Variants in KARS1 observed in about 807,000 individuals in gnomAD.
The protein encoded by KARS1 is lysyl-tRNA synthetase 1.
In KARS1, 50 loss-of-function variants were observed where a neutral mutation model predicts 63.9. That is an observed-to-expected ratio of 0.78 (90% CI 0.62 to 0.99). KARS1 has a LOEUF of 0.99. Ranked by LOEUF, KARS1 falls within the 50% of genes least tolerant of loss-of-function variation. KARS1 has a pLI of 0.00. For missense variants in KARS1, 816 were observed against 754.5 expected (o/e 1.08, Z -0.95); for synonymous variants, 320 against 264.6 (o/e 1.21, Z -2.03).
intron 1 of KARS1, among the ~76,000 whole-genome samples, chr16:75,644,074 T>A (rs868742377): frequency 2.6e-5 from 4 of 152,238 alleles, no homozygotes; most frequent in Admixed American, 2.6e-4. Context: ...TCTTCTAGAA[T>A]AAGATCCACA....
rs749546625 is a variant in KARS1 at position 75,634,158 on chromosome 16, ACT to A, written c.915+13_915+14del. On this transcript the variant is annotated intron_variant, in intron 7 of 13. Coordinates refer to ENST00000302445, the MANE Select transcript of KARS1 (RefSeq NM_005548.3). Reference sequence around the variant, plus strand: ...CTGCTTCTTTAAGGGAAAAGGGTGTACTATTACTGACTACCTTATGATAGAGT... The same window carrying A: ...CTGCTTCTTTAAGGGAAAAGGGTGTAATTACTGACTACCTTATGATAGAGT... 1.2e-6 allele frequency: 2 copies of A among 1,613,106 alleles called. No individual in the cohort carries two copies. The highest frequency in any genetic ancestry group is 3.3e-5 in the Admixed American group (2 of 60,010).
rs1026064778 is a variant in KARS1, at chr16:75,635,535, C to A, written c.795+145G>T. The A allele has an allele frequency of 7.4e-6, 7 of 941,888 alleles. No individual in the cohort carries two copies. The Admixed American group carries it at 7.9e-5, about 11-fold the overall frequency. The allele number at this position is 941,888 out of a possible 1,614,324, so 58.3% of individuals were successfully genotyped here. A position where few individuals can be genotyped will look rare whatever the true frequency, so the allele number is the denominator to read the frequency against. On this transcript the variant is annotated intron_variant, in intron 6 of 13. Transcript: ENST00000302445. ...CCTTCCTAATCAGGACAAGGTAGAA[C>A]AGAGACGATGGCAAGAAAAGGGGAC...
chr16:75,644,795 T>G (rs745975957), intron 1 of KARS1, among the ~76,000 whole-genome samples: 1 of 152,186 alleles, frequency 6.6e-6, no homozygotes, highest in Non-Finnish European at 1.5e-5. Context: ...AAGTGTGGTT[T>G]CTCACCTGGA....
chr16:75,637,951 A>G (rs1053213228), intron 3 of KARS1, among the ~76,000 whole-genome samples: 4 of 151,656 alleles, frequency 2.6e-5, no homozygotes, highest in Non-Finnish European at 5.9e-5. Flanking sequence ...GAAGAAGAGA[A>G]CCAGGAAATC....
At chr16:75,637,129 G>C (rs2082170972) in intron 3 of KARS1, among the ~76,000 whole-genome samples, 1 of 152,110 alleles carries the variant, frequency 6.6e-6, no homozygotes, top group South Asian at 2.1e-4. Flanking sequence ...GCTGGTAGCA[G>C]CATAGTTTTT....
chr16:75,637,072 G>C (rs749237850), intron 3 of KARS1, among the ~76,000 whole-genome samples: 1 of 152,070 alleles, frequency 6.6e-6, no homozygotes, highest in Non-Finnish European at 1.5e-5. Flanking sequence ...ATGCTTTCAG[G>C]ATCTAGCTTT....
intron 1 of KARS1, among the ~76,000 whole-genome samples, chr16:75,643,552 G>C (rs1359144256): frequency 3.3e-5 from 5 of 151,768 alleles, no homozygotes; most frequent in East Asian, 1.9e-4. Context: ...TAATTTTTTT[G>C]GTATTTTTAG....
At chr16:75,630,855 G>C (rs1048536042) in intron 10 of KARS1, among the ~76,000 whole-genome samples, 1 of 151,870 alleles carries the variant, frequency 6.6e-6, no homozygotes, top group African/African-American at 2.4e-5. Context: ...GGCTGGTTTC[G>C]AACTCCTGAC....
At chr16:75,636,904 T>C (rs921794724) in intron 3 of KARS1, among the ~76,000 whole-genome samples, 1 of 151,340 alleles carries the variant, frequency 6.6e-6, no homozygotes, top group African/African-American at 2.4e-5. Context: ...CCTCCCAAAG[T>C]GCTGGGATTA....
chr16:75,631,869 A>G lies in KARS1; in HGVS notation c.916-14T>C, dbSNP rs1282398882. The G allele has an allele frequency of 6.2e-6, 10 of 1,612,808 alleles. No homozygotes were observed. Among genetic ancestry groups the G allele is most frequent in the Non-Finnish European group, 8.5e-6 (10 of 1,179,612 alleles). On this transcript the variant is annotated splice_polypyrimidine_tract_variant and intron_variant, in intron 7 of 13. Coordinates refer to ENST00000302445, the MANE Select transcript of KARS1 (RefSeq NM_005548.3). ...AACCACAAGCATCTAACAACAACAC[A>G]TGGCCACGGTCATGACAGCTAATCT...
intron 12 of KARS1, chr16:75,629,080 G>T (rs1201522259): frequency 1.3e-5 from 6 of 464,112 alleles, no homozygotes; most frequent in African/African-American, 4.0e-5. Flanking sequence ...GCCTGTGGGG[G>T]TTCTGTCTTC....
In KARS1 at chr16:75,629,512, C is replaced by T; in HGVS notation, c.1454G>A (p.Arg485His). Residue 485 changes from arginine to histidine, a missense_variant, in exon 12 of 14, where the codon CGC becomes CAC. Coordinates refer to ENST00000302445, the MANE Select transcript of KARS1 (RefSeq NM_005548.3). The stretch of plus-strand genomic sequence containing the variant: ...TTTCTTCATGACAAACAGCTCAAAG[C>T]GCTCAGTCAGACCCTCTTTAGAGCG... ...WHRSKEGLTE[R>H]FELFVMKKEI... The T allele has an allele frequency of 5.0e-6, 8 of 1,614,144 alleles. No individual in the cohort carries two copies. The highest frequency in any genetic ancestry group is 6.8e-6 in the Non-Finnish European group (8 of 1,179,978).
intron 1 of KARS1, among the ~76,000 whole-genome samples, chr16:75,647,130 G>A (rs1201044018): frequency 6.6e-6 from 1 of 152,152 alleles, no homozygotes; most frequent in Non-Finnish European, 1.5e-5. Context: ...AATACATAAC[G>A]TTCAGAATGA....
rs117561624 is a variant in KARS1 at position 75,627,947 on chromosome 16, T to G, written c.1742A>C (p.Asn581Thr). 52 of 1,612,222 alleles carry G rather than the reference T, an allele frequency of 3.2e-5. No individual in the cohort carries two copies. The highest frequency in any genetic ancestry group is 4.2e-5 in the Non-Finnish European group (50 of 1,178,232). ...TTCCAGTGTATCAGTGGTTGCTACA[T>G]TCTCCTTCTTGTCTTCGGGTTTCAT... ...PAMKPEDKKE[N>T]VATTDTLEST... Residue 581 changes from asparagine to threonine, a missense_variant, in exon 14 of 14, where the codon AAT (asparagine) becomes ACT (threonine). Asn to Thr is a moderately conservative substitution (Grantham distance 65). Transcript: ENST00000302445.
Position 75,631,595 on chromosome 16 carries a change from A to G in KARS1, c.1079-6T>C. On this transcript the variant is annotated splice_region_variant and splice_polypyrimidine_tract_variant and intron_variant, in intron 8 of 13. Coordinates refer to ENST00000302445, the MANE Select transcript of KARS1 (RefSeq NM_005548.3). ...TGTAATATGCTTCACCATCCCTGGG[A>G]GAGAAACCTGTTATTTAGCGGGAAT... The G allele has an allele frequency of 1.9e-6, 3 of 1,614,082 alleles. No individual in the cohort carries two copies. Among genetic ancestry groups the G allele is most frequent in the South Asian group, 2.2e-5 (2 of 91,086 alleles).
chr16:75,634,899 T>G (rs1322180310), intron 6 of KARS1, among the ~76,000 whole-genome samples: 2 of 152,186 alleles, frequency 1.3e-5, no homozygotes, highest in Non-Finnish European at 2.9e-5. Flanking sequence ...TATTAAAAAT[T>G]TAGGCTGGTC....
Position 75,631,410 on chromosome 16 carries a change from C to T in KARS1, c.1252+6G>A, listed in dbSNP as rs1248459295. The T allele has an allele frequency of 9.3e-6, 15 of 1,614,062 alleles. No individual in the cohort carries two copies. Among genetic ancestry groups the T allele is most frequent in the African/African-American group, 2.7e-5 (2 of 75,052 alleles). On this transcript the variant is annotated splice_donor_region_variant and intron_variant, in intron 9 of 13. Coordinates refer to ENST00000302445, the MANE Select transcript of KARS1 (RefSeq NM_005548.3). ...TACAACGGAGGAGTGAGTGTTGTCA[C>T]TTTACCTTCAGTTTCAAAGAGGTTC... is the stretch of plus-strand genomic sequence containing the variant.
In KARS1 at chr16:75,628,553, G is replaced by A. The variant is rs749677486; in HGVS notation, c.1695+16C>T. The stretch of plus-strand genomic sequence containing the variant: ...GCTTCCTCAGGAAGTGTGCTCTGTG[G>A]AGGGTTGCTACGTACCTTGATGTTG... On this transcript the variant is annotated intron_variant, in intron 13 of 13. Transcript: ENST00000302445. 5 of 1,613,062 alleles carry A rather than the reference G, an allele frequency of 3.1e-6. No individual in the cohort carries two copies. In the African/African-American group the frequency reaches 6.7e-5, roughly 22 times the overall value.
At chr16:75,642,183 G>GTTTTT (rs1162130838) in intron 1 of KARS1, among the ~76,000 whole-genome samples, 1 of 111,072 alleles carries the variant, frequency 9.0e-6, no homozygotes, top group African/African-American at 3.3e-5. Flanking sequence ...ACAGTGCCAG[G>GTTTTT]TCTTTTTTTT....
Sources: allele counts gnomAD v4.1 joint callset (sites outside exome capture counted in the v4.1 genomes callset), GRCh38; gene constraint gnomAD v4.1.1; transcripts MANE v1.5; gene names NCBI Gene and HGNC (gene_info 2026-07-23, HGNC 2026-07-21).